The following RSRC1 variants were observed in gnomAD, a reference collection of about 807,000 sequenced individuals.
RSRC1 encodes arginine and serine rich coiled-coil 1.
Under a neutral mutation model 49.1 loss-of-function variants are expected in RSRC1, and 39 were observed. The ratio of observed to expected loss-of-function variants is 0.79; its 90% CI spans 0.61 to 1.04. The LOEUF (loss-of-function observed/expected upper bound fraction) is 1.04. RSRC1 is among the 50% of genes least tolerant of loss of function. The pLI is 0.00. For synonymous variants in RSRC1, 143 were observed against 130.8 expected (o/e 1.09, Z -0.63); for missense variants, 388 against 402.4 (o/e 0.96, Z 0.31).
chr3:158,201,846 A>G (rs952032197), intron 3 of RSRC1, among the ~76,000 whole-genome samples: 3 of 152,192 alleles, frequency 2.0e-5, no homozygotes, highest in African/African-American at 7.2e-5. Context: ...TCTTTTAAGA[A>G]TAGAACACAT....
At chr3:158,523,439 A>G (rs1000779132) in intron 7 of RSRC1, among the ~76,000 whole-genome samples, 1 of 152,102 alleles carries the variant, frequency 6.6e-6, no homozygotes, top group African/African-American at 2.4e-5. Context: ...AGGGATAGAC[A>G]TATGAGGGAA....
rs1730127443 is a variant in RSRC1, at chr3:158,339,752, A to G, written c.532-15105A>G. ...TCCTAGGTGCTAATGATACAGAGAT[A>G]TAAGACAATGGTTGCTTTCAAAAAG... On this transcript the variant is annotated intron_variant, in intron 5 of 9. Transcript: ENST00000611884. Among the ~76,000 whole-genome samples the G allele has an allele frequency of 2.0e-5, 3 of 152,244 alleles. No homozygotes were observed. In the South Asian group the frequency reaches 6.2e-4, roughly 31 times the overall value.
In RSRC1 at chr3:158,111,906, C is replaced by A. The variant is rs576964652; in HGVS notation, c.-3+1683C>A. Among the ~76,000 whole-genome samples the A allele has an allele frequency of 9.2e-5, 14 of 152,286 alleles. 1 individual carries two copies. The South Asian group carries it at 2.9e-3, about 32-fold the overall frequency. Reference sequence around the variant, plus strand: ...AACTACTTGTGTAGTCCTTTGAGTTCTCTTTTCTTGAATGACCACATGTTG... The same window carrying A: ...AACTACTTGTGTAGTCCTTTGAGTTATCTTTTCTTGAATGACCACATGTTG... On this transcript the variant is annotated intron_variant, in intron 1 of 9. Transcript: ENST00000611884.
chr3:158,249,624 A>G (rs1724094593), intron 4 of RSRC1, among the ~76,000 whole-genome samples: 1 of 152,110 alleles, frequency 6.6e-6, no homozygotes, highest in South Asian at 2.1e-4. Context: ...TTCTTTTGAC[A>G]GTAGAATGTG....
chr3:158,129,916 T>C (rs1190984085), intron 3 of RSRC1, among the ~76,000 whole-genome samples: 1 of 152,230 alleles, frequency 6.6e-6, no homozygotes, highest in African/African-American at 2.4e-5. Flanking sequence ...GTTGTATCTC[T>C]CCATTTATTT....
At chr3:158,307,490 T>A (rs1367294278) in intron 5 of RSRC1, among the ~76,000 whole-genome samples, 1 of 151,912 alleles carries the variant, frequency 6.6e-6, no homozygotes, top group Non-Finnish European at 1.5e-5. Flanking sequence ...TCATAAACAA[T>A]GTGTATAAAT....
chr3:158,496,477 G>A (rs1739327600), intron 7 of RSRC1: 1 of 152,694 alleles, frequency 6.5e-6, no homozygotes, highest in Non-Finnish European at 1.5e-5. Context: ...TATAGTAAAA[G>A]AGTAATAGGG....
chr3:158,328,223 C>T (rs554060136), intron 5 of RSRC1, among the ~76,000 whole-genome samples: 1 of 152,062 alleles, frequency 6.6e-6, no homozygotes, highest in Non-Finnish European at 1.5e-5. Flanking sequence ...GAGCATTTAG[C>T]CCATTTATAT....
intron 4 of RSRC1, among the ~76,000 whole-genome samples, chr3:158,208,388 G>T (rs1222568959): frequency 6.6e-6 from 1 of 152,090 alleles, no homozygotes; most frequent in Non-Finnish European, 1.5e-5. Flanking sequence ...TTTAGAGACA[G>T]GGTCTCATTT....
intron 6 of RSRC1, among the ~76,000 whole-genome samples, chr3:158,400,254 G>A (rs1733829823): frequency 6.6e-6 from 1 of 152,118 alleles, no homozygotes; most frequent in Non-Finnish European, 1.5e-5. Flanking sequence ...ATGTGTTTGT[G>A]GTGATGCTGG....
chr3:158,204,098 A>T (rs1721219566), intron 4 of RSRC1, among the ~76,000 whole-genome samples: 2 of 152,082 alleles, frequency 1.3e-5, no homozygotes. Context: ...TTTATATTTA[A>T]TGTATTAGTT....
At chr3:158,442,499 C>T (rs1347473303) in intron 6 of RSRC1, among the ~76,000 whole-genome samples, 1 of 152,036 alleles carries the variant, frequency 6.6e-6, no homozygotes, top group Non-Finnish European at 1.5e-5. Context: ...GGTTCAGTCA[C>T]ATCTTCATGC....
intron 3 of RSRC1, among the ~76,000 whole-genome samples, chr3:158,161,578 A>G (rs1404096437): frequency 6.6e-6 from 1 of 152,076 alleles, no homozygotes; most frequent in Non-Finnish European, 1.5e-5. Context: ...CCTGGCCAAC[A>G]TGGTGAAACT....
At chr3:158,148,599 T>C (rs1049802196) in intron 3 of RSRC1, among the ~76,000 whole-genome samples, 1 of 152,160 alleles carries the variant, frequency 6.6e-6, no homozygotes, top group Non-Finnish European at 1.5e-5. Context: ...TGTCATAAAC[T>C]CATCTTTTAA....
At chr3:158,289,627 A>G (rs568877739) in intron 4 of RSRC1, among the ~76,000 whole-genome samples, 2 of 152,332 alleles carry the variant, frequency 1.3e-5, no homozygotes, top group South Asian at 2.1e-4. Flanking sequence ...TAACATAAGA[A>G]TATTCATTTA....
chr3:158,370,540 CTTGGTG>C (rs1732010692), intron 6 of RSRC1, among the ~76,000 whole-genome samples: 1 of 151,764 alleles, frequency 6.6e-6, no homozygotes, highest in African/African-American at 2.4e-5. Flanking sequence ...TAGTCTTTCA[CTTGGTG>C]TAATGCTTTT....
chr3:158,258,211 T>C (rs1203072656), intron 4 of RSRC1, among the ~76,000 whole-genome samples: 1 of 43,052 alleles, frequency 2.3e-5, no homozygotes, highest in Non-Finnish European at 4.3e-5. Context: ...TTTTAACCTT[T>C]TTTTTTTTTT....
chr3:158,304,020 G>A (rs1233402164), intron 5 of RSRC1, among the ~76,000 whole-genome samples: 1 of 152,116 alleles, frequency 6.6e-6, no homozygotes, highest in Non-Finnish European at 1.5e-5. Context: ...AATAGCAAAA[G>A]AACTCTGGAG....
intron 7 of RSRC1, among the ~76,000 whole-genome samples, chr3:158,471,051 A>G (rs1266153571): frequency 2.0e-5 from 3 of 152,234 alleles, no homozygotes; most frequent in Admixed American, 2.0e-4. Flanking sequence ...TAAAAGTATG[A>G]GGCCATAGAG....
Sources: gnomAD v4.1 joint callset for allele counts (sites outside exome capture counted in the v4.1 genomes callset) on GRCh38, gnomAD v4.1.1 for gene constraint, MANE v1.5 for transcripts, NCBI Gene and HGNC (gene_info 2026-07-23, HGNC 2026-07-21) for gene names.